The following IGF2BP3 variants were observed in gnomAD, a reference collection of about 807,000 sequenced individuals.
IGF2BP3 encodes the protein insulin like growth factor 2 mRNA binding protein 3, also known as insulin-like growth factor 2 mRNA-binding protein 3.
IGF2BP3 carries 9 observed loss-of-function variants against 73.8 expected under a neutral mutation model. The ratio of observed to expected loss-of-function variants is 0.12; its 90% CI spans 0.07 to 0.21. The LOEUF is 0.21. IGF2BP3 is among the 10% of genes least tolerant of loss of function. IGF2BP3 has a pLI of 1.00. For missense variants in IGF2BP3, 542 were observed against 714.0 expected (o/e 0.76, Z 2.75); for synonymous variants, 258 against 256.7 (o/e 1.01, Z -0.05).
intron 10 of IGF2BP3, among the ~76,000 whole-genome samples, chr7:23,330,654 G>A (rs1020836297): frequency 6.6e-6 from 1 of 152,164 alleles, no homozygotes; most frequent in Non-Finnish European, 1.5e-5. Flanking sequence ...ATGTTGGCCG[G>A]GCTGGTCTTG....
chr7:23,387,004 T>C (rs1223875354), intron 3 of IGF2BP3, among the ~76,000 whole-genome samples: 5 of 151,022 alleles, frequency 3.3e-5, no homozygotes, highest in African/African-American at 1.2e-4. Flanking sequence ...GAGGTGGAGG[T>C]TGCAGTGAGC....
Position 23,400,224 on chromosome 7 carries a change from C to T in IGF2BP3, c.285+18552G>A, listed in dbSNP as rs185417126. ...TTACTTTTTGCTGATCACAAATAGG[C>T]AAATGCATCTAAGATTATCTGATTT... On this transcript the variant is annotated intron_variant, in intron 3 of 14. Coordinates refer to ENST00000258729, the MANE Select transcript of IGF2BP3 (RefSeq NM_006547.3). Among the ~76,000 whole-genome samples, 15 of 152,282 alleles carry T rather than the reference C, an allele frequency of 9.9e-5. No homozygotes were observed. The East Asian group carries it at 2.3e-3, about 23-fold the overall frequency.
At chr7:23,330,824 C>G (rs892539576) in intron 10 of IGF2BP3, among the ~76,000 whole-genome samples, 1 of 152,158 alleles carries the variant, frequency 6.6e-6, no homozygotes, top group Non-Finnish European at 1.5e-5. Context: ...CGGAGTCTTG[C>G]TCTTTTGCCC....
chr7:23,377,540 T>C (rs973108070), intron 3 of IGF2BP3, among the ~76,000 whole-genome samples: 2 of 152,210 alleles, frequency 1.3e-5, no homozygotes, highest in Non-Finnish European at 2.9e-5. Flanking sequence ...GAATGTAAAA[T>C]GGTACAGCCT....
intron 3 of IGF2BP3, among the ~76,000 whole-genome samples, chr7:23,389,175 A>C (rs529915784): frequency 7.9e-4 from 108 of 137,504 alleles, no homozygotes; most frequent in African/African-American, 2.7e-3. Context: ...TTTTTTTTTT[A>C]ATTGAGACAG....
In IGF2BP3 at chr7:23,361,681, G is replaced by T; in HGVS notation, c.337+9C>A. The T allele has an allele frequency of 6.2e-7, 1 of 1,613,840 alleles. No individual in the cohort carries two copies. The highest frequency in any genetic ancestry group is 8.5e-7 in the Non-Finnish European group (1 of 1,179,788). ...TTACAAATTTGAAAGCAATTCAGAA[G>T]ACATGTACCTTGCTCACAGCTCTCC... is the stretch of plus-strand genomic sequence containing the variant. On this transcript the variant is annotated intron_variant, in intron 4 of 14. Transcript: ENST00000258729.
chr7:23,430,536 A>T (rs1360098367), intron 2 of IGF2BP3, among the ~76,000 whole-genome samples: 1 of 152,238 alleles, frequency 6.6e-6, no homozygotes, highest in African/African-American at 2.4e-5. Flanking sequence ...AGCTGTGCCG[A>T]ACTAAACCTA....
chr7:23,443,630 C>T (rs1455013344), intron 2 of IGF2BP3, among the ~76,000 whole-genome samples: 1 of 151,918 alleles, frequency 6.6e-6, no homozygotes, highest in Non-Finnish European at 1.5e-5. Flanking sequence ...GAGATCACAC[C>T]ACTGCACATT....
At chr7:23,439,233 G>C (rs1444116786) in intron 2 of IGF2BP3, among the ~76,000 whole-genome samples, 2 of 151,788 alleles carry the variant, frequency 1.3e-5, no homozygotes, top group Admixed American at 1.3e-4. Flanking sequence ...CAGAGACCTT[G>C]CCTCAAAATA....
intron 3 of IGF2BP3, among the ~76,000 whole-genome samples, chr7:23,393,881 G>A (rs543901050): frequency 6.6e-6 from 1 of 152,280 alleles, no homozygotes; most frequent in African/African-American, 2.4e-5. Context: ...GAAGGAGGCT[G>A]AACAAGTACC....
intron 5 of IGF2BP3, among the ~76,000 whole-genome samples, chr7:23,355,933 C>CAA (rs35407214): frequency 4.3e-5 from 5 of 115,864 alleles, no homozygotes; most frequent in Admixed American, 9.2e-5. Context: ...ACTTTGTCTC[C>CAA]AAAAAAAAAA....
chr7:23,420,010 G>A (rs1165899808), intron 2 of IGF2BP3, among the ~76,000 whole-genome samples: 1 of 152,122 alleles, frequency 6.6e-6, no homozygotes, highest in African/African-American at 2.4e-5. Context: ...AAGGAAGAGG[G>A]CGACACATAT....
At chr7:23,358,298 C>T (rs1411277209) in intron 5 of IGF2BP3, among the ~76,000 whole-genome samples, 2 of 152,186 alleles carry the variant, frequency 1.3e-5, no homozygotes, top group African/African-American at 4.8e-5. Flanking sequence ...GGTCACATAG[C>T]CTTCCAAACA....
chr7:23,343,390 G>A (rs1784757267), intron 9 of IGF2BP3, among the ~76,000 whole-genome samples: 1 of 152,178 alleles, frequency 6.6e-6, no homozygotes, highest in South Asian at 2.1e-4. Flanking sequence ...TCCAGTTCAT[G>A]TAACATTTCT....
intron 3 of IGF2BP3, chr7:23,414,622 G>GA (rs1231153250): frequency 6.6e-6 from 1 of 152,490 alleles, no homozygotes; most frequent in Non-Finnish European, 1.5e-5. Flanking sequence ...GGCAAACAAA[G>GA]AAAAATAAGC....
rs747225918 is a variant in IGF2BP3 at position 23,468,446 on chromosome 7, A to AGAACAGAATCGGGGC, written c.236+21_236+35dup. On this transcript the variant is annotated intron_variant, in intron 2 of 14. Coordinates refer to ENST00000258729, the MANE Select transcript of IGF2BP3 (RefSeq NM_006547.3). ...AGTCTCTCCACCCAATAACGGAGTGAGAACAGAATCGGGGCAAACAGAAGC... is the reference window on the plus strand; with the variant it reads ...AGTCTCTCCACCCAATAACGGAGTGAGAACAGAATCGGGGCGAACAGAATCGGGGCAAACAGAAGC... 21 of 1,610,456 alleles carry AGAACAGAATCGGGGC rather than the reference A, an allele frequency of 1.3e-5. No individual in the cohort carries two copies. In the South Asian group the frequency reaches 2.3e-4, roughly 18 times the overall value.
At chr7:23,464,949 G>C (rs1788531788) in intron 2 of IGF2BP3, among the ~76,000 whole-genome samples, 1 of 152,042 alleles carries the variant, frequency 6.6e-6, no homozygotes, top group Admixed American at 6.6e-5. Context: ...AAAAGGTTAG[G>C]TTCTAAAAAA....
At chr7:23,449,548 C>CT (rs1407390698) in intron 2 of IGF2BP3, among the ~76,000 whole-genome samples, 1 of 116,350 alleles carries the variant, frequency 8.6e-6, no homozygotes. Flanking sequence ...TTTCCTTTTT[C>CT]TTTTTCTTTT....
At chr7:23,383,836 C>G (rs1254245961) in intron 3 of IGF2BP3, among the ~76,000 whole-genome samples, 4 of 152,086 alleles carry the variant, frequency 2.6e-5, no homozygotes, top group Admixed American at 2.6e-4. Flanking sequence ...GTGGCTCACA[C>G]CTGTAATTCC....
Sources: gnomAD v4.1 joint callset for allele counts (sites outside exome capture counted in the v4.1 genomes callset) on GRCh38, gnomAD v4.1.1 for gene constraint, MANE v1.5 for transcripts, NCBI Gene and HGNC (gene_info 2026-07-23, HGNC 2026-07-21) for gene names.